Variants in GTPBP2 observed in about 807,000 individuals in gnomAD.
The protein encoded by GTPBP2 is GTP-binding protein 2.
In GTPBP2, 32 loss-of-function variants were observed where a neutral mutation model predicts 63.0. The ratio of observed to expected loss-of-function variants is 0.51; its 90% CI spans 0.38 to 0.68. The LOEUF is 0.68. Among genes scored for constraint, GTPBP2 ranks in the 30% least tolerant of loss-of-function variants. The pLI is 0.00. For missense variants in GTPBP2, 492 were observed against 796.9 expected (o/e 0.62, Z 4.61); for synonymous variants, 310 against 322.6 (o/e 0.96, Z 0.42).
rs2127832429 is a variant in GTPBP2 at position 43,621,704 on chromosome 6, C to T, written c.1719G>A (p.Leu573=). The change falls in exon 12 of 12, where the codon CTG becomes CTA. Residue 573 remains leucine (L), a synonymous_variant. Coordinates refer to ENST00000307126, the MANE Select transcript of GTPBP2 (RefSeq NM_019096.5). ...PEYLKVGAKL[L]FREGVTKGIG... Reference sequence around the variant, plus strand: ...TGCCCTTGGTGACACCCTCCCGGAACAGCAGTTTGGCGCCCACCTTCAGGT... The same window carrying T: ...TGCCCTTGGTGACACCCTCCCGGAATAGCAGTTTGGCGCCCACCTTCAGGT... The T allele has an allele frequency of 1.9e-6, 3 of 1,614,198 alleles. No individual in the cohort carries two copies. Among genetic ancestry groups the T allele is most frequent in the Non-Finnish European group, 2.5e-6 (3 of 1,180,050 alleles).
chr6:43,622,866 A>G lies in GTPBP2; in HGVS notation c.1296-62T>C, dbSNP rs1366864829. ...AGGTCCCCATACCTACTTCTCTATT[A>G]GGATCACCCAGAGCATTCCTTCCCT... On this transcript the variant is annotated intron_variant, in intron 9 of 11. Coordinates refer to ENST00000307126, the MANE Select transcript of GTPBP2 (RefSeq NM_019096.5). This position sits in a 1 kb window ranked among gnomAD's most constrained non-coding sequence, Gnocchi z 5.4. 29 of 1,290,998 alleles carry G rather than the reference A, an allele frequency of 2.2e-5. No homozygotes were observed. Among genetic ancestry groups the G allele is most frequent in the Non-Finnish European group, 3.2e-5 (29 of 918,128 alleles). The allele number at this position is 1,290,998 out of a possible 1,614,324, so 80.0% of individuals were successfully genotyped here. A position where few individuals can be genotyped will look rare whatever the true frequency, so the allele number is the denominator to read the frequency against.
chr6:43,625,218 G>A lies in GTPBP2; in HGVS notation c.705+145C>T. The A allele has an allele frequency of 9.8e-7, 1 of 1,016,518 alleles. No individual in the cohort carries two copies. The highest frequency in any genetic ancestry group is 1.5e-6 in the Non-Finnish European group (1 of 669,550). The allele number at this position is 1,016,518 out of a possible 1,614,324, so 63.0% of individuals were successfully genotyped here. A position where few individuals can be genotyped will look rare whatever the true frequency, so the allele number is the denominator to read the frequency against. On this transcript the variant is annotated intron_variant, in intron 5 of 11. Coordinates refer to ENST00000307126, the MANE Select transcript of GTPBP2 (RefSeq NM_019096.5). The surrounding 1 kb of genome is among the most constrained non-coding windows in gnomAD (Gnocchi z 5.1). ...TGATTCCCCATTGATTTCCTAAGAG[G>A]GGCAGAGCTTGTTCACAGTCCCCTC...
At chr6:43,623,216 AC>A in intron 9 of GTPBP2, 1 of 185,082 alleles carries the variant, frequency 5.4e-6, no homozygotes, top group East Asian at 1.5e-4. Context: ...TATGGTGACG[AC>A]CCCATCTCTA....
In GTPBP2 at chr6:43,622,239, C is replaced by T. The variant is rs559023128; in HGVS notation, c.1468-72G>A. 2.4e-5 allele frequency: 31 copies of T among 1,306,234 alleles called. 1 individual carries two copies. The South Asian group carries it at 3.9e-4, about 16-fold the overall frequency. 80.9% of individuals were successfully genotyped at this position (1,306,234 alleles called of 1,614,324 possible). A position where few individuals can be genotyped will look rare whatever the true frequency, so the allele number is the denominator to read the frequency against. On this transcript the variant is annotated intron_variant, in intron 10 of 11. Transcript: ENST00000307126. The surrounding 1 kb of genome is among the most constrained non-coding windows in gnomAD (Gnocchi z 5.4). ...AGACTCTCCCTCCCCAGCCACCCCA[C>T]ACCCTTTATAGCTCCTGAATTTCCT...
chr6:43,624,012 T>C lies in GTPBP2; in HGVS notation c.1157A>G (p.Lys386Arg), dbSNP rs1378508626. 1.7e-5 allele frequency: 27 copies of C among 1,613,738 alleles called. No homozygotes were observed. The highest frequency in any genetic ancestry group is 2.2e-5 in the Non-Finnish European group (26 of 1,179,802). Residue 386 changes from lysine (K) to arginine (R), a missense_variant, in exon 8 of 12, where the codon AAA becomes AGA. By Grantham distance (26) the Lys-to-Arg change is conservative (BLOSUM62 2). Coordinates refer to ENST00000307126, the MANE Select transcript of GTPBP2 (RefSeq NM_019096.5). This position sits in a 1 kb window ranked among gnomAD's most constrained non-coding sequence, Gnocchi z 5.1. The part of the protein sequence containing the change: ...SVSGESLDLL[K>R]VFLNILPPLT... Reference sequence around the variant, plus strand: ...TGGCGGCAGAATATTCAGAAAGACTTTGAGGAGGTCCAGACTCTCTCCAGA... The same window carrying C: ...TGGCGGCAGAATATTCAGAAAGACTCTGAGGAGGTCCAGACTCTCTCCAGA...
In GTPBP2 at chr6:43,625,137, C is replaced by T; in HGVS notation, c.706-75G>A. On this transcript the variant is annotated intron_variant, in intron 5 of 11. Coordinates refer to ENST00000307126, the MANE Select transcript of GTPBP2 (RefSeq NM_019096.5). This position sits in a 1 kb window ranked among gnomAD's most constrained non-coding sequence, Gnocchi z 5.1. ...CCTTCAGAGTTGCCAGGACCTAAAC[C>T]ATTCCCTGGGTGACCCTGCCTCTTA... 4 of 1,406,950 alleles carry T rather than the reference C, an allele frequency of 2.8e-6. No individual in the cohort carries two copies. The highest frequency in any genetic ancestry group is 1.2e-5 in the South Asian group (1 of 81,530). 87.2% of individuals were successfully genotyped at this position (1,406,950 alleles called of 1,614,324 possible). A position where few individuals can be genotyped will look rare whatever the true frequency, so the allele number is the denominator to read the frequency against.
At position 43,622,571 on chromosome 6, in the gene GTPBP2, A is replaced by G; in HGVS notation, c.1467+62T>C. ...AAGCACCTTAGATAGGTGCTCATTC[A>G]GTAGCCAGTCTCCTAGGCACTTCTC... On this transcript the variant is annotated intron_variant, in intron 10 of 11. Transcript: ENST00000307126. The surrounding 1 kb of genome is among the most constrained non-coding windows in gnomAD (Gnocchi z 5.4). 1.4e-6 allele frequency: 2 copies of G among 1,465,396 alleles called. No individual in the cohort carries two copies. Among genetic ancestry groups the G allele is most frequent in the Non-Finnish European group, 1.9e-6 (2 of 1,061,836 alleles). The allele number at this position is 1,465,396 out of a possible 1,614,324, so 90.8% of individuals were successfully genotyped here. A position where few individuals can be genotyped will look rare whatever the true frequency, so the allele number is the denominator to read the frequency against.
chr6:43,628,506 A>G (rs1433897329), intron 1 of GTPBP2: 3 of 760,520 alleles, frequency 3.9e-6, no homozygotes, highest in Non-Finnish European at 3.2e-6. Context: ...GTGTGTGTGT[A>G]GTGAACATAC....
In GTPBP2 at chr6:43,625,906, T is replaced by C; in HGVS notation, c.399-42A>G. 6.7e-7 allele frequency: 1 copy of C among 1,491,812 alleles called. No individual in the cohort carries two copies. The highest frequency in any genetic ancestry group is 9.4e-7 in the Non-Finnish European group (1 of 1,068,566). The allele number at this position is 1,491,812 out of a possible 1,614,324, so 92.4% of individuals were successfully genotyped here. A position where few individuals can be genotyped will look rare whatever the true frequency, so the allele number is the denominator to read the frequency against. ...ACAGCTGCCATATCTCACCTGTCCTTCTCCTATTCCAGGCTCGCTCTGGAC... is the reference window on the plus strand; with the variant it reads ...ACAGCTGCCATATCTCACCTGTCCTCCTCCTATTCCAGGCTCGCTCTGGAC... On this transcript the variant is annotated intron_variant, in intron 3 of 11. Transcript: ENST00000307126. This position sits in a 1 kb window ranked among gnomAD's most constrained non-coding sequence, Gnocchi z 5.1.
In GTPBP2 at chr6:43,622,951, G is replaced by A. The variant is rs570907811; in HGVS notation, c.1296-147C>T. ...TAAATTCTGACTTGGATGTAACAGGGCTCACTGCCAGAGTTCAGAATCAGA... is the reference window on the plus strand; with the variant it reads ...TAAATTCTGACTTGGATGTAACAGGACTCACTGCCAGAGTTCAGAATCAGA... On this transcript the variant is annotated intron_variant, in intron 9 of 11. Coordinates refer to ENST00000307126, the MANE Select transcript of GTPBP2 (RefSeq NM_019096.5). This position sits in a 1 kb window ranked among gnomAD's most constrained non-coding sequence, Gnocchi z 5.4. 1.6e-6 allele frequency: 1 copy of A among 610,980 alleles called. No homozygotes were observed. Among genetic ancestry groups the A allele is most frequent in the Admixed American group, 3.0e-5 (1 of 33,596 alleles). 37.8% of individuals were successfully genotyped at this position (610,980 alleles called of 1,614,324 possible).
At chr6:43,629,577 C>G (rs189363599), upstream of GTPBP2, 1 of 709,322 alleles carries the variant, frequency 1.4e-6, no homozygotes, top group Non-Finnish European at 2.5e-6. Flanking sequence ...GGTGGGGACG[C>G]GAGGACACCA....
chr6:43,629,849 A>G, upstream of GTPBP2: 1 of 1,477,934 alleles, frequency 6.8e-7, no homozygotes, highest in Non-Finnish European at 9.1e-7. Flanking sequence ...TGATTATGCT[A>G]CCTTTACATA....
rs1445857143 is a variant in GTPBP2 at position 43,622,513 on chromosome 6, G to C, written c.1467+120C>G. On this transcript the variant is annotated intron_variant, in intron 10 of 11. Transcript: ENST00000307126. This position sits in a 1 kb window ranked among gnomAD's most constrained non-coding sequence, Gnocchi z 5.4. Reference sequence around the variant, plus strand: ...ACGTAGCTAGACCAGAAGCTTCTTGGGTCAGAGAGTGTGTTTCCTCTGAGT... The same window carrying C: ...ACGTAGCTAGACCAGAAGCTTCTTGCGTCAGAGAGTGTGTTTCCTCTGAGT... 3.2e-6 allele frequency: 3 copies of C among 948,492 alleles called. No individual in the cohort carries two copies. Among genetic ancestry groups the C allele is most frequent in the African/African-American group, 3.3e-5 (2 of 60,002 alleles). 58.8% of individuals were successfully genotyped at this position (948,492 alleles called of 1,614,324 possible).
At position 43,624,130 on chromosome 6, in the gene GTPBP2, G is replaced by A; in HGVS notation, c.1101-62C>T. 6.9e-7 allele frequency: 1 copy of A among 1,452,734 alleles called. No homozygotes were observed. The highest frequency in any genetic ancestry group is 9.4e-7 in the Non-Finnish European group (1 of 1,067,262). 90.0% of individuals were successfully genotyped at this position (1,452,734 alleles called of 1,614,324 possible). A position where few individuals can be genotyped will look rare whatever the true frequency, so the allele number is the denominator to read the frequency against. ...GTCCAAACAGGAGGCAGAGGCCAGA[G>A]CCCCATACATGGAAAGGTGAGCTTT... On this transcript the variant is annotated intron_variant, in intron 7 of 11. Coordinates refer to ENST00000307126, the MANE Select transcript of GTPBP2 (RefSeq NM_019096.5). The surrounding 1 kb of genome is among the most constrained non-coding windows in gnomAD (Gnocchi z 5.1).
In GTPBP2 at chr6:43,629,076, C is replaced by G. The variant is rs746923660; in HGVS notation, c.87G>C (p.Gly29=). Residue 29 remains glycine (G), a synonymous_variant, in exon 1 of 12, where the codon GGG becomes GGC. Transcript: ENST00000307126. ...CCCCGCAGCCGCTGCTGCTGCCGGC[C>G]CCCCTAGCCTTGAGGGTTCCGCCCA... is the stretch of plus-strand genomic sequence containing the variant. ...PAVGGTLKAR[G]AGSSSGCGGP... 9.4e-6 allele frequency: 15 copies of G among 1,599,600 alleles called. No homozygotes were observed. The highest frequency in any genetic ancestry group is 3.4e-4 in the Middle Eastern group (2 of 5,826).
At chr6:43,628,717 T>G in intron 1 of GTPBP2, 1 of 717,978 alleles carries the variant, frequency 1.4e-6, no homozygotes. Flanking sequence ...TTTCTCTACT[T>G]CTCTCCTGGG....
At position 43,624,254 on chromosome 6, in the gene GTPBP2, G is replaced by A. The variant is rs372798995; in HGVS notation, c.1101-186C>T. Among the ~76,000 whole-genome samples the A allele has an allele frequency of 1.3e-5, 2 of 151,966 alleles. No individual in the cohort carries two copies. The highest frequency in any genetic ancestry group is 4.8e-5 in the African/African-American group (2 of 41,244). ...GCAATGTCACACAAAAAGCCCATCC[G>A]AGCCCAAGGGAAACAGCAAATGCCT... On this transcript the variant is annotated intron_variant, in intron 7 of 11. Coordinates refer to ENST00000307126, the MANE Select transcript of GTPBP2 (RefSeq NM_019096.5). This position sits in a 1 kb window ranked among gnomAD's most constrained non-coding sequence, Gnocchi z 5.1.
intron 1 of GTPBP2, chr6:43,628,666 C>T: frequency 2.5e-6 from 2 of 806,358 alleles, no homozygotes; most frequent in Non-Finnish European, 3.9e-6. Flanking sequence ...TGCCCTATGG[C>T]GGCACACGCA....
Position 43,622,181 on chromosome 6 carries a change from G to A in GTPBP2, c.1468-14C>T, listed in dbSNP as rs2232217. 2.8e-3 allele frequency: 4,458 copies of A among 1,603,262 alleles called. 53 individuals are homozygous for A. The highest frequency in any genetic ancestry group is 0.025 in the Admixed American group (1,511 of 59,836). Reference sequence around the variant, plus strand: ...CATCACCATGCCCTGGGGAGGAACAGACCCCAGGCCCAGGAAGGGCAGCTC... The same window carrying A: ...CATCACCATGCCCTGGGGAGGAACAAACCCCAGGCCCAGGAAGGGCAGCTC... On this transcript the variant is annotated splice_polypyrimidine_tract_variant and intron_variant, in intron 10 of 11. Transcript: ENST00000307126. The surrounding 1 kb of genome is among the most constrained non-coding windows in gnomAD (Gnocchi z 5.4).
Sources: gnomAD v4.1 joint callset for allele counts (sites outside exome capture counted in the v4.1 genomes callset) on GRCh38, gnomAD v4.1.1 for gene constraint, Gnocchi (gnomAD v3.1) non-coding constraint, MANE v1.5 for transcripts, NCBI Gene and HGNC (gene_info 2026-07-23, HGNC 2026-07-21) for gene names.